EBF1: variants seen among roughly 807,000 people sequenced by gnomAD.
EBF1 encodes transcription factor COE1.
EBF1 carries 10 observed loss-of-function variants against 68.4 expected under a neutral mutation model. The observed-to-expected ratio is 0.15, with a 90% CI of 0.09 to 0.25. EBF1 has a LOEUF of 0.25. Ranked by LOEUF, EBF1 falls within the 10% of genes least tolerant of loss-of-function variation. EBF1 has a pLI of 1.00. For missense variants in EBF1, 509 were observed against 794.4 expected (o/e 0.64, Z 4.32); for synonymous variants, 298 against 299.8 (o/e 0.99, Z 0.06).
At chr5:158,814,789 C>G (rs150004331) in intron 8 of EBF1, among the ~76,000 whole-genome samples, 14 of 152,218 alleles carry the variant, frequency 9.2e-5, no homozygotes, top group African/African-American at 3.4e-4. Context: ...TTACCAGCAT[C>G]CTTATTATCT....
At chr5:158,985,190 C>G (rs10041407) in intron 6 of EBF1, among the ~76,000 whole-genome samples, 141,672 of 152,280 alleles carry the variant, frequency 0.93, 66,544 homozygotes, top group Non-Finnish European at 0.99. Context: ...TACGAGAATA[C>G]CATTTGCAAG....
chr5:159,036,006 C>A (rs768271928), intron 6 of EBF1, among the ~76,000 whole-genome samples: 3 of 152,184 alleles, frequency 2.0e-5, no homozygotes, highest in Admixed American at 2.0e-4. Flanking sequence ...CTATTTCACT[C>A]TATTCATATC....
chr5:158,984,502 G>C (rs1243910429), intron 6 of EBF1, among the ~76,000 whole-genome samples: 2 of 151,958 alleles, frequency 1.3e-5, no homozygotes, highest in African/African-American at 4.8e-5. Flanking sequence ...TAAATAATAT[G>C]GAATCACATA....
chr5:158,904,704 CT>C (rs1204602711), intron 6 of EBF1, among the ~76,000 whole-genome samples: 2 of 152,154 alleles, frequency 1.3e-5, no homozygotes, highest in Admixed American at 1.3e-4. Context: ...ACCTTTACCC[CT>C]CTCTCCCTAC....
At chr5:159,023,106 T>C (rs970187116) in intron 6 of EBF1, among the ~76,000 whole-genome samples, 1 of 151,574 alleles carries the variant, frequency 6.6e-6, no homozygotes, top group Admixed American at 6.6e-5. Context: ...TTAACAGTAA[T>C]AACAGCTGTG....
chr5:159,074,112 G>C lies in EBF1; in HGVS notation c.486-648C>G, dbSNP rs183236739. Among the ~76,000 whole-genome samples, 12 of 152,274 alleles carry C rather than the reference G, an allele frequency of 7.9e-5. No homozygotes were observed. The East Asian group carries it at 1.7e-3, about 22-fold the overall frequency. ...TCCTCTGGCTATAAAAGCCTGTTCT[G>C]ACCCTCACTTAAGTTTTCTGGGGGC... On this transcript the variant is annotated intron_variant, in intron 5 of 15. Transcript: ENST00000313708.
At chr5:159,003,868 G>T (rs1023755679) in intron 6 of EBF1, among the ~76,000 whole-genome samples, 1 of 152,208 alleles carries the variant, frequency 6.6e-6, no homozygotes, top group South Asian at 2.1e-4. Context: ...TGAGTAAGTG[G>T]TGTAGTCAGG....
chr5:158,771,287 C>T (rs1212181961), intron 10 of EBF1, among the ~76,000 whole-genome samples: 1 of 152,082 alleles, frequency 6.6e-6, no homozygotes, highest in South Asian at 2.1e-4. Flanking sequence ...CATACATTAA[C>T]CCTTTTACTC....
intron 6 of EBF1, among the ~76,000 whole-genome samples, chr5:158,970,360 C>T (rs1444355938): frequency 1.3e-5 from 2 of 152,016 alleles, no homozygotes; most frequent in Non-Finnish European, 2.9e-5. Flanking sequence ...TTATTAAAGC[C>T]GGAAATTGCC....
At chr5:158,917,918 T>A (rs1020771742) in intron 6 of EBF1, among the ~76,000 whole-genome samples, 1 of 152,156 alleles carries the variant, frequency 6.6e-6, no homozygotes, top group African/African-American at 2.4e-5. Context: ...TCATCTTTCC[T>A]GTCACAGGGA....
At chr5:158,895,516 C>A (rs1056025521) in intron 6 of EBF1, among the ~76,000 whole-genome samples, 1 of 152,102 alleles carries the variant, frequency 6.6e-6, no homozygotes, top group Non-Finnish European at 1.5e-5. Flanking sequence ...TCACAATAAT[C>A]GATGCCAAAT....
At chr5:159,052,681 G>A (rs1774006150) in intron 6 of EBF1, among the ~76,000 whole-genome samples, 1 of 152,306 alleles carries the variant, frequency 6.6e-6, no homozygotes, top group African/African-American at 2.4e-5. Context: ...ATTTGGAGCT[G>A]CAAACCTTCG....
intron 4 of EBF1, among the ~76,000 whole-genome samples, chr5:159,092,031 A>T (rs1781742775): frequency 6.6e-6 from 1 of 151,064 alleles, no homozygotes; most frequent in African/African-American, 2.5e-5. Context: ...AGCTAAACTT[A>T]AAAAAAACTA....
At chr5:158,863,265 A>C (rs908419158) in intron 6 of EBF1, among the ~76,000 whole-genome samples, 3 of 152,098 alleles carry the variant, frequency 2.0e-5, no homozygotes, top group Non-Finnish European at 2.9e-5. Flanking sequence ...AAGAATGATC[A>C]CAACTCCTAC....
chr5:158,858,189 T>C (rs1026159925), intron 6 of EBF1, among the ~76,000 whole-genome samples: 2 of 152,186 alleles, frequency 1.3e-5, no homozygotes, highest in African/African-American at 4.8e-5. Flanking sequence ...GAATTACTGT[T>C]AATTGTAATA....
At chr5:158,719,279 T>C (rs1761430250) in intron 11 of EBF1, among the ~76,000 whole-genome samples, 2 of 152,188 alleles carry the variant, frequency 1.3e-5, no homozygotes, top group Non-Finnish European at 2.9e-5. Context: ...CAATGAATCA[T>C]GTCTAGTACA....
At position 158,762,170 on chromosome 5, in the gene EBF1, T is replaced by C. The variant is rs191049383; in HGVS notation, c.1036+15243A>G. Among the ~76,000 whole-genome samples, 15 of 152,290 alleles carry C rather than the reference T, an allele frequency of 9.8e-5. No homozygotes were observed. In the East Asian group the frequency reaches 2.7e-3, roughly 27 times the overall value. On this transcript the variant is annotated intron_variant, in intron 10 of 15. Transcript: ENST00000313708. The stretch of plus-strand genomic sequence containing the variant: ...CTGAAAGCACTTTTCTATTACCACC[T>C]GGATCCTTAGAAGGATTCACACCAT...
At chr5:158,777,618 C>T in intron 9 of EBF1, 79 bp from the exon 10 acceptor site, 5 of 1,435,552 alleles carry the variant, frequency 3.5e-6, no homozygotes, top group Non-Finnish European at 4.7e-6. Context: ...TCTCCATAAA[C>T]AAAGCTTTAA....
chr5:159,047,766 A>G (rs554307371), intron 6 of EBF1, among the ~76,000 whole-genome samples: 1 of 152,224 alleles, frequency 6.6e-6, no homozygotes, highest in Non-Finnish European at 1.5e-5. Context: ...CACATACCCC[A>G]TTACTGCTAT....
Sources: gnomAD v4.1 joint callset for allele counts (sites outside exome capture counted in the v4.1 genomes callset) on GRCh38, gnomAD v4.1.1 for gene constraint, MANE v1.5 for transcripts, NCBI Gene and HGNC (gene_info 2026-07-23, HGNC 2026-07-21) for gene names.